Variants in RFX4 observed in about 807,000 individuals in gnomAD.
RFX4 encodes regulatory factor X4.
A neutral mutation model predicts 95.0 loss-of-function variants in RFX4; 10 were observed. The ratio of observed to expected loss-of-function variants is 0.11; its 90% CI spans 0.06 to 0.18. RFX4 has a LOEUF of 0.18. Ranked by LOEUF, RFX4 falls within the 10% of genes least tolerant of loss-of-function variation. RFX4 has a pLI of 1.00. For missense variants in RFX4, 640 were observed against 922.0 expected (o/e 0.69, Z 3.96); for synonymous variants, 321 against 340.7 (o/e 0.94, Z 0.64).
At chr12:106,690,709 A>G (rs2041762921) in intron 7 of RFX4, among the ~76,000 whole-genome samples, 1 of 152,186 alleles carries the variant, frequency 6.6e-6, no homozygotes, top group African/African-American at 2.4e-5. Flanking sequence ...TTGTCAGCCC[A>G]GAAATAAAAT....
intron 8 of RFX4, among the ~76,000 whole-genome samples, chr12:106,702,587 C>A (rs2042012144): frequency 6.6e-6 from 1 of 152,170 alleles, no homozygotes; most frequent in Non-Finnish European, 1.5e-5. Context: ...CTCCTTTGTA[C>A]AGTCCTGTTT....
intron 8 of RFX4, among the ~76,000 whole-genome samples, chr12:106,707,985 T>G (rs2042118980): frequency 6.6e-6 from 1 of 151,994 alleles, no homozygotes; most frequent in East Asian, 1.9e-4. Context: ...AGACAAAAAA[T>G]TAGCTGAGCG....
intron 17 of RFX4, among the ~76,000 whole-genome samples, chr12:106,755,761 A>G (rs1022602574): frequency 1.3e-5 from 2 of 152,230 alleles, no homozygotes; most frequent in Non-Finnish European, 2.9e-5. Flanking sequence ...ACTGAATATC[A>G]CACTTCACTA....
In RFX4 at chr12:106,611,350, G is replaced by C. The variant is rs188568847; in HGVS notation, c.130+2467G>C. On this transcript the variant is annotated intron_variant, in intron 2 of 17. Transcript: ENST00000392842. ...TTAACTATTTTTTCTTTTGTTGTCT[G>C]TGCCTTTAGTGTCATATCTAAGAAA... Among the ~76,000 whole-genome samples the C allele has an allele frequency of 8.2e-4, 124 of 150,544 alleles. 2 individuals carry two copies. The highest frequency in any genetic ancestry group is 3.3e-3 in the Admixed American group (50 of 15,112).
At chr12:106,601,221 G>A in intron 1 of RFX4, 3 of 1,548,720 alleles carry the variant, frequency 1.9e-6, no homozygotes, top group Non-Finnish European at 2.6e-6. Context: ...ACTCCTGTGT[G>A]TCGCCACTGC....
At chr12:106,583,666 G>T (rs1373667534) in intron 1 of RFX4, 3 of 272,232 alleles carry the variant, frequency 1.1e-5, no homozygotes, top group Non-Finnish European at 6.9e-6. Flanking sequence ...GGCTCGCGGC[G>T]AGCTCGAGGT....
chr12:106,619,527 C>A (rs143078629), intron 2 of RFX4, among the ~76,000 whole-genome samples: 1 of 151,984 alleles, frequency 6.6e-6, no homozygotes, highest in African/African-American at 2.4e-5. Context: ...TTTTCATTGC[C>A]TTTGGTTTTC....
chr12:106,626,530 T>A (rs180790800), intron 2 of RFX4, among the ~76,000 whole-genome samples: 1 of 152,158 alleles, frequency 6.6e-6, no homozygotes, highest in African/African-American at 2.4e-5. Flanking sequence ...GGTCTAGAGT[T>A]TGAGGTCTGA....
At chr12:106,716,134 GA>G (rs1388908372) in intron 11 of RFX4, among the ~76,000 whole-genome samples, 3 of 152,234 alleles carry the variant, frequency 2.0e-5, no homozygotes, top group South Asian at 2.1e-4. Context: ...AGCAATATGA[GA>G]AGGCCAGAGA....
At chr12:106,608,298 G>A (rs2039880795) in intron 1 of RFX4, among the ~76,000 whole-genome samples, 1 of 152,180 alleles carries the variant, frequency 6.6e-6, no homozygotes, top group South Asian at 2.1e-4. Flanking sequence ...TGGCCAAAGG[G>A]AGGCAAGCTA....
At position 106,747,417 on chromosome 12, in the gene RFX4, G is replaced by C. The variant is rs758282118; in HGVS notation, c.1634-20G>C. On this transcript the variant is annotated intron_variant, in intron 15 of 17. Coordinates refer to ENST00000392842, the MANE Select transcript of RFX4 (RefSeq NM_213594.3). Reference sequence around the variant, plus strand: ...TATGAGAACTGTTAATGATCAAGACGTCTTAATTTGTCTCTGCAGGAGCAA... The same window carrying C: ...TATGAGAACTGTTAATGATCAAGACCTCTTAATTTGTCTCTGCAGGAGCAA... 4.3e-6 allele frequency: 7 copies of C among 1,610,040 alleles called. No individual in the cohort carries two copies. In the East Asian group the frequency reaches 1.6e-4, roughly 36 times the overall value.
At chr12:106,713,386 G>GA (rs373826676) in intron 10 of RFX4, among the ~76,000 whole-genome samples, 35 of 151,922 alleles carry the variant, frequency 2.3e-4, no homozygotes, top group Non-Finnish European at 3.8e-4. Flanking sequence ...CCCTCAGCAG[G>GA]AAAAAAAATT....
intron 8 of RFX4, among the ~76,000 whole-genome samples, chr12:106,704,512 A>G (rs771454111): frequency 7.2e-5 from 11 of 152,212 alleles, no homozygotes; most frequent in Non-Finnish European, 1.5e-4. Flanking sequence ...TGTGCTTGGC[A>G]TCATGGAAAT....
chr12:106,629,425 C>T (rs2040371151), intron 2 of RFX4, among the ~76,000 whole-genome samples: 1 of 152,080 alleles, frequency 6.6e-6, no homozygotes, highest in East Asian at 1.9e-4. Context: ...TAGATTCTGC[C>T]AAATGACCTT....
chr12:106,646,688 C>T (rs1401867658), intron 3 of RFX4, among the ~76,000 whole-genome samples: 1 of 152,146 alleles, frequency 6.6e-6, no homozygotes. Context: ...CCGTGGGATG[C>T]CAGGCTTGTC....
At chr12:106,682,136 G>C (rs931480904) in intron 5 of RFX4, 82 bp downstream of exon 5, 21 of 1,418,676 alleles carry the variant, frequency 1.5e-5, no homozygotes, top group Non-Finnish European at 2.0e-5. Context: ...TCTTTATCCT[G>C]AGCTCTGTCT....
At chr12:106,739,996 T>C (rs2042779452) in intron 15 of RFX4, among the ~76,000 whole-genome samples, 1 of 152,200 alleles carries the variant, frequency 6.6e-6, no homozygotes, top group Non-Finnish European at 1.5e-5. Flanking sequence ...CTCTGTCCCA[T>C]CGGGCCACCG....
chr12:106,758,908 G>C (rs1371971668), intron 17 of RFX4, among the ~76,000 whole-genome samples: 2 of 152,158 alleles, frequency 1.3e-5, no homozygotes, highest in Non-Finnish European at 2.9e-5. Flanking sequence ...GTACAACATG[G>C]GGTTGGATCA....
chr12:106,681,726 C>T (rs2041518807), intron 4 of RFX4, among the ~76,000 whole-genome samples: 1 of 152,112 alleles, frequency 6.6e-6, no homozygotes, highest in Non-Finnish European at 1.5e-5. Context: ...TCTGGACCAA[C>T]CAGAACTCTC....
Sources: gnomAD v4.1 joint callset for allele counts (sites outside exome capture counted in the v4.1 genomes callset) on GRCh38, gnomAD v4.1.1 for gene constraint, MANE v1.5 for transcripts, NCBI Gene and HGNC (gene_info 2026-07-23, HGNC 2026-07-21) for gene names.